FAT3: variants seen among roughly 807,000 people sequenced by gnomAD.
FAT3 encodes FAT atypical cadherin 3, also known as protocadherin Fat 3.
Under a neutral mutation model 310.2 loss-of-function variants are expected in FAT3, and 95 were observed. That is an observed-to-expected ratio of 0.31 (90% CI 0.26 to 0.36). The LOEUF is 0.36. FAT3 is among the 10% of genes least tolerant of loss of function. FAT3 has a pLI of 1.00. For synonymous variants in FAT3, 2,314 were observed against 2,192.9 expected (o/e 1.06, Z -1.54); for missense variants, 5,408 against 5,715.6 (o/e 0.95, Z 1.74).
At chr11:92,532,123 A>G (rs1367867264) in intron 3 of FAT3, among the ~76,000 whole-genome samples, 1 of 152,182 alleles carries the variant, frequency 6.6e-6, no homozygotes, top group Non-Finnish European at 1.5e-5. Flanking sequence ...GCATATAACT[A>G]TAACTATTAT....
intron 13 of FAT3, among the ~76,000 whole-genome samples, chr11:92,821,865 T>C (rs562878557): frequency 1.5e-4 from 23 of 152,296 alleles, no homozygotes; most frequent in African/African-American, 4.8e-4. Flanking sequence ...TTCTACAGTG[T>C]CTGCAACCAG....
intron 3 of FAT3, among the ~76,000 whole-genome samples, chr11:92,634,700 G>C (rs1346916560): frequency 6.6e-6 from 1 of 152,186 alleles, no homozygotes; most frequent in African/African-American, 2.4e-5. Context: ...GAACATATGA[G>C]CATTGCTCAG....
At position 92,315,021 on chromosome 11, in the gene FAT3, G is replaced by A. The variant is rs187617263; in HGVS notation, c.-17-37075G>A. On this transcript the variant is annotated intron_variant, in intron 1 of 27. Coordinates refer to ENST00000525166, the MANE Select transcript of FAT3 (RefSeq NM_001367949.2). ...TTTTTTACTCCTAAATATACATACA[G>A]CAGTTTAATTACAACCTTCACGGGC... Among the ~76,000 whole-genome samples the A allele has an allele frequency of 1.4e-3, 212 of 151,992 alleles. 1 individual carries two copies. Among genetic ancestry groups the A allele is most frequent in the African/African-American group, 4.6e-3 (189 of 41,436 alleles).
chr11:92,279,823 C>A (rs551137695), intron 1 of FAT3, among the ~76,000 whole-genome samples: 2 of 152,088 alleles, frequency 1.3e-5, no homozygotes, highest in Non-Finnish European at 2.9e-5. Flanking sequence ...TGACCAACCT[C>A]ACAAAAAGGA....
chr11:92,250,317 C>A (rs1865087447), intron 1 of FAT3, among the ~76,000 whole-genome samples: 2 of 152,206 alleles, frequency 1.3e-5, no homozygotes, highest in African/African-American at 4.8e-5. Flanking sequence ...TTTACAGACA[C>A]AAACTGGTAT....
At chr11:92,267,672 G>T (rs1946007433) in intron 1 of FAT3, among the ~76,000 whole-genome samples, 1 of 152,012 alleles carries the variant, frequency 6.6e-6, no homozygotes, top group Non-Finnish European at 1.5e-5. Context: ...GATTTAAGTT[G>T]CTGAAACATA....
chr11:92,702,127 G>A (rs1218436600), intron 4 of FAT3, among the ~76,000 whole-genome samples: 1 of 152,038 alleles, frequency 6.6e-6, no homozygotes, highest in African/African-American at 2.4e-5. Flanking sequence ...CCATAGGGTT[G>A]GTATAAAGAG....
At position 92,364,970 on chromosome 11, in the gene FAT3, A is replaced by G. The variant is rs368330555; in HGVS notation, c.3292+9566A>G. 8.5e-5 allele frequency among the ~76,000 whole-genome samples: 13 copies of G among 152,342 alleles called. No homozygotes were observed. In the East Asian group the frequency reaches 1.2e-3, roughly 14 times the overall value. On this transcript the variant is annotated intron_variant, in intron 2 of 27. Transcript: ENST00000525166. Reference sequence around the variant, plus strand: ...AAGTGATTAAAAGTTGAAAGAATTAAAATAAAAGGCCAAGCACAGCAGCTC... The same window carrying G: ...AAGTGATTAAAAGTTGAAAGAATTAGAATAAAAGGCCAAGCACAGCAGCTC...
intron 4 of FAT3, among the ~76,000 whole-genome samples, chr11:92,744,402 T>C (rs1436802242): frequency 6.6e-6 from 1 of 152,118 alleles, no homozygotes; most frequent in Non-Finnish European, 1.5e-5. Context: ...GGTTACAAAC[T>C]CAAATGCCCA....
intron 1 of FAT3, among the ~76,000 whole-genome samples, chr11:92,310,458 C>CA (rs1310822010): frequency 6.6e-6 from 1 of 151,952 alleles, no homozygotes; most frequent in Non-Finnish European, 1.5e-5. Context: ...GAACCACAGG[C>CA]AAAAGAATCT....
intron 21 of FAT3, among the ~76,000 whole-genome samples, chr11:92,859,713 G>T (rs1949074558): frequency 6.6e-6 from 1 of 152,144 alleles, no homozygotes; most frequent in Admixed American, 6.5e-5. Flanking sequence ...GGCAATTTCT[G>T]TTCTTGCTCA....
intron 3 of FAT3, among the ~76,000 whole-genome samples, chr11:92,690,418 G>C (rs545710157): frequency 8.5e-5 from 13 of 152,232 alleles, no homozygotes; most frequent in Non-Finnish European, 1.8e-4. Flanking sequence ...CTTTTCTTAA[G>C]AAAATTTAAT....
At chr11:92,607,423 G>C (rs550521874) in intron 3 of FAT3, among the ~76,000 whole-genome samples, 12 of 152,200 alleles carry the variant, frequency 7.9e-5, no homozygotes, top group African/African-American at 2.9e-4. Flanking sequence ...TTTTTTAAAT[G>C]AACTTTTAGA....
intron 3 of FAT3, among the ~76,000 whole-genome samples, chr11:92,577,246 T>C (rs148603632): frequency 2.2e-4 from 33 of 151,864 alleles, no homozygotes; most frequent in Non-Finnish European, 3.8e-4. Context: ...GTAGCTGGGA[T>C]TACAGGCGGT....
At chr11:92,783,812 G>A (rs910226305) in intron 7 of FAT3, among the ~76,000 whole-genome samples, 9 of 152,144 alleles carry the variant, frequency 5.9e-5, no homozygotes, top group East Asian at 5.8e-4. Context: ...AAATTTTACT[G>A]TATGTATAGA....
chr11:92,586,336 T>C (rs1297126939), intron 3 of FAT3, among the ~76,000 whole-genome samples: 1 of 151,948 alleles, frequency 6.6e-6, no homozygotes, highest in Non-Finnish European at 1.5e-5. Flanking sequence ...CAGCCTGCAG[T>C]CTTAAAAAAT....
intron 3 of FAT3, among the ~76,000 whole-genome samples, chr11:92,670,431 G>T (rs113992497): frequency 6.6e-6 from 1 of 152,078 alleles, no homozygotes; most frequent in African/African-American, 2.4e-5. Context: ...CTGCAACTGC[G>T]TTACATGTTT....
rs200428460 is a variant in FAT3 at position 92,352,994 on chromosome 11, G to A, written c.882G>A (p.Ala294=). Residue 294 remains alanine, a synonymous_variant, in exon 2 of 28, where the codon GCG becomes GCA. Transcript: ENST00000525166. ...VVTVDDLDDG[A]NGEIESVSIV... is the part of the protein sequence containing the mutation. ...CAGTTGATGACTTAGATGATGGAGC[G>A]AATGGAGAGATCGAATCTGTTTCCA... is the stretch of plus-strand genomic sequence containing the variant. 43 of 1,613,742 alleles carry A rather than the reference G, an allele frequency of 2.7e-5. No homozygotes were observed. The highest frequency in any genetic ancestry group is 3.6e-5 in the Non-Finnish European group (43 of 1,179,874).
At chr11:92,552,051 G>T (rs1954839140) in intron 3 of FAT3, among the ~76,000 whole-genome samples, 2 of 152,180 alleles carry the variant, frequency 1.3e-5, no homozygotes, top group Admixed American at 6.5e-5. Flanking sequence ...CAGCAATTGT[G>T]CATGTAATTA....
Sources: allele counts gnomAD v4.1 joint callset (sites outside exome capture counted in the v4.1 genomes callset), GRCh38; gene constraint gnomAD v4.1.1; transcripts MANE v1.5; gene names NCBI Gene and HGNC (gene_info 2026-07-23, HGNC 2026-07-21).